Variants in PROM1 observed in about 807,000 individuals in gnomAD.
PROM1 encodes the protein prominin 1.
Under a neutral mutation model 116.9 loss-of-function variants are expected in PROM1, and 105 were observed. The observed-to-expected ratio is 0.90, with a 90% CI of 0.77 to 1.06. The LOEUF is 1.06. Among genes scored for constraint, PROM1 ranks in the 50% least tolerant of loss-of-function variants. The probability of loss-of-function intolerance (pLI) is 0.00; values close to 1 mark genes in which losing one functional copy is unlikely to be tolerated. For missense variants in PROM1, 1,122 were observed against 1,045.2 expected (o/e 1.07, Z -1.01); for synonymous variants, 393 against 387.0 (o/e 1.02, Z -0.18).
intron 2 of PROM1, among the ~76,000 whole-genome samples, chr4:16,074,784 T>C (rs1743590923): frequency 6.6e-6 from 1 of 152,232 alleles, no homozygotes; most frequent in Non-Finnish European, 1.5e-5. Context: ...CCTGTCTCTC[T>C]TCCTCCCTCT....
In PROM1 at chr4:15,992,113, C is replaced by T. The variant is rs1371435463; in HGVS notation, c.1911+135G>A. 3 of 1,114,420 alleles carry T rather than the reference C, an allele frequency of 2.7e-6. No individual in the cohort carries two copies. In the African/African-American group the frequency reaches 4.7e-5, roughly 18 times the overall value. The allele number at this position is 1,114,420 out of a possible 1,614,324, so 69.0% of individuals were successfully genotyped here. On this transcript the variant is annotated intron_variant, in intron 17 of 27. Coordinates refer to ENST00000447510, the MANE Select transcript of PROM1 (RefSeq NM_006017.3). Reference sequence around the variant, plus strand: ...GCAGCACTGTGAATGTACTCAATGCCACCGAATTGCTCACTTTAAAATAGT... The same window carrying T: ...GCAGCACTGTGAATGTACTCAATGCTACCGAATTGCTCACTTTAAAATAGT...
intron 7 of PROM1, among the ~76,000 whole-genome samples, chr4:16,023,778 G>A (rs1165672746): frequency 1.3e-5 from 2 of 152,174 alleles, no homozygotes; most frequent in Non-Finnish European, 2.9e-5. Context: ...GCTTTGACAC[G>A]CTAGATGTTG....
At chr4:15,976,622 A>G (rs11944619) in intron 26 of PROM1, among the ~76,000 whole-genome samples, 52,017 of 152,098 alleles carry the variant, frequency 0.34, 9,339 homozygotes, top group Middle Eastern at 0.47. Context: ...GGCTGTGATG[A>G]TCATGCCTAA....
rs1202817613 is a variant in PROM1, at chr4:15,979,392, T to G, written c.2582+3A>C. 3.7e-6 allele frequency: 6 copies of G among 1,613,826 alleles called. No homozygotes were observed. The highest frequency in any genetic ancestry group is 1.7e-4 in the Middle Eastern group (1 of 6,060). ...GGGCATGCACTTCCAGACTTTGCTT[T>G]ACCTTGTCATAACAGGATTGTGAAT... is the stretch of plus-strand genomic sequence containing the variant. On this transcript the variant is annotated splice_donor_region_variant and intron_variant, in intron 26 of 27. Coordinates refer to ENST00000447510, the MANE Select transcript of PROM1 (RefSeq NM_006017.3).
At chr4:15,986,374 G>A (rs1346359186) in intron 20 of PROM1, among the ~76,000 whole-genome samples, 1 of 152,106 alleles carries the variant, frequency 6.6e-6, no homozygotes, top group African/African-American at 2.4e-5. Flanking sequence ...CACCATGCTG[G>A]GGAAACATAC....
At chr4:16,007,527 T>C (rs369390155) in intron 12 of PROM1, among the ~76,000 whole-genome samples, 1 of 152,232 alleles carries the variant, frequency 6.6e-6, no homozygotes, top group African/African-American at 2.4e-5. Flanking sequence ...TCAGTAATTA[T>C]AGTAATAGCC....
intron 7 of PROM1, among the ~76,000 whole-genome samples, chr4:16,023,973 T>C (rs1425318613): frequency 6.6e-6 from 1 of 152,208 alleles, no homozygotes; most frequent in Non-Finnish European, 1.5e-5. Context: ...GCTGGCTGCG[T>C]CTGTGCAGGG....
At position 16,040,008 on chromosome 4, in the gene PROM1, T is replaced by G. The variant is rs375108203; in HGVS notation, c.221-1007A>C. ...ACCAAGGCTCAGGACTTCCTTCTCC[T>G]GTGCGGGTGCCTTCCCGCCACCTGT... On this transcript the variant is annotated intron_variant, in intron 2 of 27. Transcript: ENST00000447510. Among the ~76,000 whole-genome samples the G allele has an allele frequency of 3.3e-5, 5 of 152,234 alleles. No homozygotes were observed. The East Asian group carries it at 7.7e-4, about 24-fold the overall frequency.
chr4:16,013,643 AGTGG>A, intron 10 of PROM1, among the ~76,000 whole-genome samples: 1 of 152,230 alleles, frequency 6.6e-6, no homozygotes, highest in East Asian at 1.9e-4. Context: ...CATCTATACC[AGTGG>A]TTCTCAACTG....
chr4:16,037,278 G>A (rs888579583), intron 3 of PROM1, among the ~76,000 whole-genome samples: 3 of 152,100 alleles, frequency 2.0e-5, no homozygotes, highest in African/African-American at 4.8e-5. Flanking sequence ...GATACAGGCC[G>A]ACGTGACAAT....
chr4:16,035,748 A>T lies in PROM1; in HGVS notation c.290T>A (p.Ile97Asn). 1.2e-6 allele frequency: 2 copies of T among 1,613,652 alleles called. No homozygotes were observed. Among genetic ancestry groups the T allele is most frequent in the Non-Finnish European group, 1.7e-6 (2 of 1,179,636 alleles). Reference protein sequence around the residue: ...KIDYDKPETVILGLKIVYYEA... With the variant: ...KIDYDKPETVNLGLKIVYYEA... ...CAAGGACTTTACCTTTAGACCTAAGATTACAGTTTCTGGCTGTAGAAGTCA... is the reference window on the plus strand; with the variant it reads ...CAAGGACTTTACCTTTAGACCTAAGTTTACAGTTTCTGGCTGTAGAAGTCA... The change falls in exon 4 of 28, where the codon ATC becomes AAC. Residue 97 changes from isoleucine to asparagine, a missense_variant. Ile to Asn is a moderately radical substitution (Grantham distance 149). Coordinates refer to ENST00000447510, the MANE Select transcript of PROM1 (RefSeq NM_006017.3).
intron 8 of PROM1, among the ~76,000 whole-genome samples, chr4:16,019,441 G>C (rs1729257976): frequency 6.6e-6 from 1 of 152,240 alleles, no homozygotes; most frequent in African/African-American, 2.4e-5. Context: ...ATATTCTACA[G>C]TGTATTAAAA....
At chr4:16,033,107 A>T (rs781369033) in intron 5 of PROM1, among the ~76,000 whole-genome samples, 197 bp downstream of exon 5, 28 of 152,172 alleles carry the variant, frequency 1.8e-4, no homozygotes, top group Non-Finnish European at 3.4e-4. Flanking sequence ...CTTCATTACA[A>T]CGCTAATGTC....
chr4:16,045,577 C>T (rs1383541371), intron 2 of PROM1, among the ~76,000 whole-genome samples: 9 of 152,154 alleles, frequency 5.9e-5, no homozygotes, highest in Admixed American at 5.9e-4. Flanking sequence ...AGCTACGTGC[C>T]TCCTCTACCA....
rs569461811 is a variant in PROM1 at position 15,986,749 on chromosome 4, C to T, written c.2131-712G>A. Among the ~76,000 whole-genome samples, 8 of 152,330 alleles carry T rather than the reference C, an allele frequency of 5.3e-5. No homozygotes were observed. In the South Asian group the frequency reaches 1.2e-3, roughly 24 times the overall value. On this transcript the variant is annotated intron_variant, in intron 20 of 27. Coordinates refer to ENST00000447510, the MANE Select transcript of PROM1 (RefSeq NM_006017.3). ...ATGGCAACTGTGATCAGAGGCATAG[C>T]GAGGGTCCTGGAGCAGAGTAAATCT...
At chr4:16,041,781 AATAAAT>A (rs1394044008) in intron 2 of PROM1, among the ~76,000 whole-genome samples, 35 of 56,354 alleles carry the variant, frequency 6.2e-4, no homozygotes, top group Admixed American at 1.0e-3. Flanking sequence ...TAAATAAATA[AATAAAT>A]ATATATATAT....
Position 15,969,262 on chromosome 4 carries a change from C to A in PROM1, c.*131G>T, listed in dbSNP as rs956487073. ...AATGGTGCCGTTGCCTTGGTGCCCG[C>A]CTGAGTCACTACGTTGCCACTGGCG... On this transcript the variant is annotated 3_prime_UTR_variant, in exon 28 of 28. Coordinates refer to ENST00000447510, the MANE Select transcript of PROM1 (RefSeq NM_006017.3). 1.3e-5 allele frequency: 2 copies of A among 152,200 alleles called. No homozygotes were observed. The highest frequency in any genetic ancestry group is 4.8e-5 in the African/African-American group (2 of 41,444). 9.4% of individuals were successfully genotyped at this position (152,200 alleles called of 1,614,324 possible). A position where few individuals can be genotyped will look rare whatever the true frequency, so the allele number is the denominator to read the frequency against.
intron 5 of PROM1, among the ~76,000 whole-genome samples, chr4:16,032,933 G>C (rs999525091): frequency 1.3e-5 from 2 of 152,196 alleles, no homozygotes; most frequent in African/African-American, 4.8e-5. Context: ...AAATCAACTT[G>C]CAGATCCATC....
At chr4:16,017,623 C>T (rs549393996) in intron 9 of PROM1, among the ~76,000 whole-genome samples, 1 of 152,312 alleles carries the variant, frequency 6.6e-6, no homozygotes, top group South Asian at 2.1e-4. Context: ...GAGTTTGAGA[C>T]CAGCCTGGCC....
Sources: allele counts gnomAD v4.1 joint callset (sites outside exome capture counted in the v4.1 genomes callset), GRCh38; gene constraint gnomAD v4.1.1; transcripts MANE v1.5; gene names NCBI Gene and HGNC (gene_info 2026-07-23, HGNC 2026-07-21).